Variants in CDH10 observed in about 807,000 individuals in gnomAD.
CDH10 encodes the protein cadherin-10.
CDH10 carries 30 observed loss-of-function variants against 73.1 expected under a neutral mutation model. That is an observed-to-expected ratio of 0.41 (90% CI 0.31 to 0.56). The LOEUF (loss-of-function observed/expected upper bound fraction) is 0.56, where lower values mean the gene tolerates loss of function less well. CDH10 is among the 20% of genes least tolerant of loss of function. The pLI is 0.27. For synonymous variants in CDH10, 345 were observed against 348.2 expected (o/e 0.99, Z 0.10); for missense variants, 815 against 973.7 (o/e 0.84, Z 2.17).
Position 24,540,846 on chromosome 5 carries a change from G to A in CDH10, c.232-3172C>T, listed in dbSNP as rs78597377. On this transcript the variant is annotated intron_variant, in intron 2 of 11. Coordinates refer to ENST00000264463, the MANE Select transcript of CDH10 (RefSeq NM_006727.5). ...CATTAGCCTATGTTTAATGAAAGAT[G>A]GTCTTTGAAAACATATTTGATACAT... Among the ~76,000 whole-genome samples, 279 of 151,872 alleles carry A rather than the reference G, an allele frequency of 1.8e-3. 3 individuals are homozygous for A. The highest frequency in any genetic ancestry group is 4.1e-3 in the African/African-American group (172 of 41,492).
chr5:24,495,113 GA>G (rs1174534167), intron 9 of CDH10, among the ~76,000 whole-genome samples: 2 of 152,172 alleles, frequency 1.3e-5, no homozygotes, highest in Admixed American at 1.3e-4. Flanking sequence ...ACAGATATCA[GA>G]ACTTGGCAAC....
At chr5:24,623,061 G>C (rs906838120) in intron 1 of CDH10, among the ~76,000 whole-genome samples, 2 of 152,102 alleles carry the variant, frequency 1.3e-5, no homozygotes, top group Non-Finnish European at 2.9e-5. Context: ...GGGAGAAAAT[G>C]CTATGCCTCC....
chr5:24,577,899 A>G lies in CDH10; in HGVS notation c.231+15361T>C, dbSNP rs369155717. 4.5e-4 allele frequency among the ~76,000 whole-genome samples: 68 copies of G among 152,314 alleles called. 1 individual carries two copies. The South Asian group carries it at 0.014, about 31-fold the overall frequency. On this transcript the variant is annotated intron_variant, in intron 2 of 11. Coordinates refer to ENST00000264463, the MANE Select transcript of CDH10 (RefSeq NM_006727.5). ...AAAGAGCACAATGATCAACACAGTC[A>G]CAATCTACTAAATAACTAAATGTCA...
At chr5:24,642,121 A>G (rs1161089030) in intron 1 of CDH10, among the ~76,000 whole-genome samples, 1 of 152,140 alleles carries the variant, frequency 6.6e-6, no homozygotes, top group East Asian at 1.9e-4. Context: ...ATTGCTTACT[A>G]TGAAACACTA....
At chr5:24,605,965 GC>G (rs1746747728) in intron 1 of CDH10, among the ~76,000 whole-genome samples, 1 of 152,120 alleles carries the variant, frequency 6.6e-6, no homozygotes, top group South Asian at 2.1e-4. Context: ...GAATAAGCCA[GC>G]CTCAAAATCA....
At chr5:24,636,197 G>A (rs1747862134) in intron 1 of CDH10, among the ~76,000 whole-genome samples, 1 of 151,822 alleles carries the variant, frequency 6.6e-6, no homozygotes, top group Non-Finnish European at 1.5e-5. Context: ...CATGACAATT[G>A]TCCTATGATG....
intron 1 of CDH10, among the ~76,000 whole-genome samples, chr5:24,628,957 C>A (rs550606083): frequency 5.0e-4 from 75 of 150,706 alleles, no homozygotes; most frequent in Middle Eastern, 3.4e-3. Context: ...GTACTTTATT[C>A]GTTTCTTATA....
chr5:24,491,790 G>T lies in CDH10; in HGVS notation c.1662C>A (p.Phe554Leu), dbSNP rs748465930. The T allele has an allele frequency of 6.2e-7, 1 of 1,602,574 alleles. No individual in the cohort carries two copies. The highest frequency in any genetic ancestry group is 8.5e-7 in the Non-Finnish European group (1 of 1,169,962). The change falls in exon 11 of 12, where the codon TTC becomes TTA. Residue 554 changes from phenylalanine to leucine, a missense_variant. Phe to Leu is a conservative substitution (Grantham distance 22). This residue lies in a region of CDH10 where 516 missense variants were observed against 636.6 expected (regional missense o/e 0.81). Coordinates refer to ENST00000264463, the MANE Select transcript of CDH10 (RefSeq NM_006727.5). The part of the protein sequence containing the change: ...TARILTRKNG[F>L]NRHEISTYLL... The stretch of plus-strand genomic sequence containing the variant: ...GATAGGTACTGATTTCATGTCTATT[G>T]AATCCATTTTTTCTGGTTAAGATTC...
Position 24,527,380 on chromosome 5 carries a change from A to T in CDH10, c.814+7732T>A, listed in dbSNP as rs187072762. Among the ~76,000 whole-genome samples, 51 of 149,334 alleles carry T rather than the reference A, an allele frequency of 3.4e-4. 1 individual carries two copies. In the East Asian group the frequency reaches 8.2e-3, roughly 24 times the overall value. ...TTATACATATATACACAAAACATAA[A>T]CATGTACACACATATTATATATATT... On this transcript the variant is annotated intron_variant, in intron 5 of 11. Transcript: ENST00000264463.
At chr5:24,557,987 A>G (rs1044136640) in intron 2 of CDH10, among the ~76,000 whole-genome samples, 2 of 151,850 alleles carry the variant, frequency 1.3e-5, no homozygotes, top group African/African-American at 4.8e-5. Flanking sequence ...AAATTTTTAG[A>G]AACAAGAGGC....
At position 24,488,071 on chromosome 5, in the gene CDH10, G is replaced by C. The variant is rs985566802; in HGVS notation, c.1959C>G (p.Asn653Lys). The part of the protein sequence containing the change: ...LILSKEDIRD[N>K]IVSYNDEGGG... The stretch of plus-strand genomic sequence containing the variant: ...CACCCTCATCGTTATAGCTCACAAT[G>C]TTGTCTCTGATATCTTCTTTTGACA... The change falls in exon 12 of 12, where the codon AAC becomes AAG. Residue 653 changes from asparagine (N) to lysine (K), a missense_variant. By Grantham distance (94) the Asn-to-Lys change is moderately conservative (BLOSUM62 0). This residue lies in a region of CDH10 where 241 missense variants were observed against 240.3 expected (regional missense o/e 1.00). Coordinates refer to ENST00000264463, the MANE Select transcript of CDH10 (RefSeq NM_006727.5). 1 of 1,613,826 alleles carries C rather than the reference G, an allele frequency of 6.2e-7. No homozygotes were observed. Among genetic ancestry groups the C allele is most frequent in the South Asian group, 1.1e-5 (1 of 91,068 alleles).
At chr5:24,599,534 GC>G (rs1378122113) in intron 1 of CDH10, among the ~76,000 whole-genome samples, 1 of 152,114 alleles carries the variant, frequency 6.6e-6, no homozygotes, top group African/African-American at 2.4e-5. Flanking sequence ...AACTTACTAT[GC>G]ACTTTAGTGT....
chr5:24,535,005 T>A (rs1243464097), intron 5 of CDH10, 107 bp downstream of exon 5: 1 of 1,035,806 alleles, frequency 9.7e-7, no homozygotes, highest in Non-Finnish European at 1.4e-6. Flanking sequence ...CAATATGTTT[T>A]AAATTAAATG....
chr5:24,509,488 C>G (rs1561130779), intron 7 of CDH10, 78 bp downstream of exon 7: 2 of 1,329,930 alleles, frequency 1.5e-6, no homozygotes, highest in Non-Finnish European at 2.1e-6. Context: ...ATCCACCCGC[C>G]TCGGCCTCCC....
chr5:24,625,155 A>T (rs1475240820), intron 1 of CDH10, among the ~76,000 whole-genome samples: 1 of 152,158 alleles, frequency 6.6e-6, no homozygotes, highest in African/African-American at 2.4e-5. Context: ...TGAAAATATA[A>T]TAGGTTCATA....
Position 24,609,314 on chromosome 5 carries a change from C to A in CDH10, c.-123-15701G>T, listed in dbSNP as rs573016751. Among the ~76,000 whole-genome samples, 8 of 152,056 alleles carry A rather than the reference C, an allele frequency of 5.3e-5. No individual in the cohort carries two copies. In the South Asian group the frequency reaches 1.7e-3, roughly 32 times the overall value. ...TCAACATCCTTGAGGCTTGGTGGAA[C>A]GATAGTTGGGGGGAGGTTAGAAGAA... On this transcript the variant is annotated intron_variant, in intron 1 of 11. Coordinates refer to ENST00000264463, the MANE Select transcript of CDH10 (RefSeq NM_006727.5).
intron 1 of CDH10, among the ~76,000 whole-genome samples, chr5:24,605,222 G>T (rs1193195433): frequency 6.6e-6 from 1 of 152,164 alleles, no homozygotes; most frequent in Non-Finnish European, 1.5e-5. Context: ...ACCAAGTGTT[G>T]GAAAGGATAT....
intron 1 of CDH10, among the ~76,000 whole-genome samples, chr5:24,634,900 A>C (rs1489876581): frequency 6.6e-6 from 1 of 151,742 alleles, no homozygotes; most frequent in Non-Finnish European, 1.5e-5. Flanking sequence ...GAACCCATAT[A>C]AATGTATATT....
intron 9 of CDH10, among the ~76,000 whole-genome samples, chr5:24,495,854 A>G (rs1238703893): frequency 8.2e-6 from 1 of 122,488 alleles, no homozygotes; most frequent in East Asian, 2.3e-4. Flanking sequence ...ATCTTCCTCA[A>G]ACAAAAAAAA....
Sources: allele counts gnomAD v4.1 joint callset (sites outside exome capture counted in the v4.1 genomes callset), GRCh38; gene constraint gnomAD v4.1.1; regional missense constraint gnomAD v4.1.1; transcripts MANE v1.5; gene names NCBI Gene and HGNC (gene_info 2026-07-23, HGNC 2026-07-21).